CTNNA1: variants seen among roughly 807,000 people sequenced by gnomAD.
The protein encoded by CTNNA1 is catenin alpha 1.
A neutral mutation model predicts 98.4 loss-of-function variants in CTNNA1; 37 were observed. That is an observed-to-expected ratio of 0.38 (90% CI 0.29 to 0.49). The LOEUF (loss-of-function observed/expected upper bound fraction) is 0.49, where lower values mean the gene tolerates loss of function less well. Ranked by LOEUF, CTNNA1 falls within the 20% of genes least tolerant of loss-of-function variation. The pLI, the probability that CTNNA1 is intolerant of heterozygous loss-of-function variation, is 0.95. For synonymous variants in CTNNA1, 404 were observed against 413.2 expected (o/e 0.98, Z 0.27); for missense variants, 761 against 1,147.2 (o/e 0.66, Z 4.86).
intron 4 of CTNNA1, among the ~76,000 whole-genome samples, chr5:138,810,994 C>T (rs1183345343): frequency 8.0e-5 from 12 of 150,746 alleles, no homozygotes; most frequent in African/African-American, 1.2e-4. Context: ...CCCTCCCGGA[C>T]GGGGCGGCTG....
chr5:138,798,863 C>T (rs963036875), intron 3 of CTNNA1, among the ~76,000 whole-genome samples: 3 of 152,188 alleles, frequency 2.0e-5, no homozygotes, highest in African/African-American at 7.2e-5. Context: ...GGTTTTACAA[C>T]CGTGCGATCT....
At position 138,934,175 on chromosome 5, in the gene CTNNA1, C is replaced by A; in HGVS notation, c.*86C>A. Reference sequence around the variant, plus strand: ...ACTCAAATGAATTTGCTAAATACAACACTGATACTAGATTCCACAGGGAAA... The same window carrying A: ...ACTCAAATGAATTTGCTAAATACAAAACTGATACTAGATTCCACAGGGAAA... On this transcript the variant is annotated 3_prime_UTR_variant, in exon 18 of 18. Coordinates refer to ENST00000302763, the MANE Select transcript of CTNNA1 (RefSeq NM_001903.5). 2.0e-6 allele frequency: 2 copies of A among 977,512 alleles called. No homozygotes were observed. Among genetic ancestry groups the A allele is most frequent in the Non-Finnish European group, 3.1e-6 (2 of 653,920 alleles). 60.6% of individuals were successfully genotyped at this position (977,512 alleles called of 1,614,324 possible). A position where few individuals can be genotyped will look rare whatever the true frequency, so the allele number is the denominator to read the frequency against.
chr5:138,875,807 A>T, intron 7 of CTNNA1: 2 of 819,222 alleles, frequency 2.4e-6, no homozygotes, highest in Non-Finnish European at 2.9e-6. Flanking sequence ...GTTAAAATCA[A>T]AGTATGACTA....
intron 1 of CTNNA1, among the ~76,000 whole-genome samples, chr5:138,776,667 C>T (rs1176252567): frequency 3.4e-5 from 5 of 145,540 alleles, no homozygotes; most frequent in Admixed American, 1.4e-4. Flanking sequence ...GCTGGCCGGG[C>T]GGGGGGCTGA....
At chr5:138,799,631 T>C (rs1757338367) in intron 3 of CTNNA1, among the ~76,000 whole-genome samples, 1 of 152,096 alleles carries the variant, frequency 6.6e-6, no homozygotes. Context: ...TGTCATTTTT[T>C]TTTTTTTTGT....
rs2150295555 is a variant in CTNNA1 at position 138,925,365 on chromosome 5, T to C, written c.1857T>C (p.Tyr619=). The stretch of plus-strand genomic sequence containing the variant: ...TTATCGATGCTTCCCGCCTGGTATA[T>C]GATGGCATCCGGGACATCAGGAAAG... ...NEFIDASRLV[Y]DGIRDIRKAV... Residue 619 remains tyrosine (Y), a synonymous_variant, in exon 13 of 18, where the codon TAT becomes TAC. Coordinates refer to ENST00000302763, the MANE Select transcript of CTNNA1 (RefSeq NM_001903.5). The C allele has an allele frequency of 6.2e-7, 1 of 1,614,186 alleles. No homozygotes were observed.
At chr5:138,780,648 G>T (rs1445034291) in intron 1 of CTNNA1, among the ~76,000 whole-genome samples, 27 of 152,064 alleles carry the variant, frequency 1.8e-4, no homozygotes, top group Non-Finnish European at 7.4e-5. Flanking sequence ...CTCCCGAGTA[G>T]CTGGGATTAC....
Position 138,753,501 on chromosome 5 carries a change from C to G in CTNNA1, c.-12C>G. 1 of 379,168 alleles carries G rather than the reference C, an allele frequency of 2.6e-6. No individual in the cohort carries two copies. The highest frequency in any genetic ancestry group is 4.7e-6 in the Non-Finnish European group (1 of 213,372). 23.5% of individuals were successfully genotyped at this position (379,168 alleles called of 1,614,324 possible). ...CCTCTGGAATTTAGCGCTCGCCCAG[C>G]TAGCCGCAGGTAACTTCGTACCTCC... On this transcript the variant is annotated 5_prime_UTR_variant, in exon 1 of 18. Transcript: ENST00000302763.
At chr5:138,902,564 C>T (rs370711362) in intron 9 of CTNNA1, among the ~76,000 whole-genome samples, 8 of 152,154 alleles carry the variant, frequency 5.3e-5, no homozygotes, top group South Asian at 2.1e-4. Context: ...GGACTACAGG[C>T]GCCTGCCACC....
At position 138,807,528 on chromosome 5, in the gene CTNNA1, A is replaced by G. The variant is rs1758219567; in HGVS notation, c.302-2510A>G. Among the ~76,000 whole-genome samples the G allele has an allele frequency of 2.6e-5, 4 of 151,900 alleles. No individual in the cohort carries two copies. The South Asian group carries it at 8.3e-4, about 32-fold the overall frequency. On this transcript the variant is annotated intron_variant, in intron 3 of 17. Coordinates refer to ENST00000302763, the MANE Select transcript of CTNNA1 (RefSeq NM_001903.5). ...TTGTGTTTTCTTTCTTACAGCTTGT[A>G]TGTTAAAATGCCACATAATTTCTTA...
In CTNNA1 at chr5:138,846,233, C is replaced by T. The variant is rs982494684; in HGVS notation, c.1062+18515C>T. Among the ~76,000 whole-genome samples the T allele has an allele frequency of 1.2e-4, 19 of 152,184 alleles. 1 individual carries two copies. The East Asian group carries it at 2.3e-3, about 19-fold the overall frequency. On this transcript the variant is annotated intron_variant, in intron 7 of 17. Coordinates refer to ENST00000302763, the MANE Select transcript of CTNNA1 (RefSeq NM_001903.5). ...TCTCAAAGTGCTGGGATTACAGGCG[C>T]GAGCCACTGCGCCTGGCCCAAGGGT... is the stretch of plus-strand genomic sequence containing the variant.
chr5:138,780,180 T>C (rs969604189), intron 1 of CTNNA1, among the ~76,000 whole-genome samples: 7 of 151,856 alleles, frequency 4.6e-5, no homozygotes, highest in Non-Finnish European at 1.0e-4. Context: ...GATTTTATTT[T>C]ATTTATTTAT....
chr5:138,810,134 C>T lies in CTNNA1; in HGVS notation c.398C>T (p.Ser133Phe), dbSNP rs1399488912. 6.2e-7 allele frequency: 1 copy of T among 1,614,190 alleles called. No individual in the cohort carries two copies. The highest frequency in any genetic ancestry group is 1.7e-5 in the Admixed American group (1 of 60,026). Reference protein sequence around the residue: ...NMVRAARALLSAVTRLLILAD... With the variant: ...NMVRAARALLFAVTRLLILAD... ...GTTCGGGCAGCTCGAGCTTTGCTCT[C>T]TGCTGTTACCCGGTTGCTGATTTTG... Residue 133 changes from serine (S) to phenylalanine (F), a missense_variant, in exon 4 of 18, where the codon TCT (serine) becomes TTT (phenylalanine). Physicochemically the swap from Ser to Phe is radical, Grantham distance 155. This residue lies in a region of CTNNA1 where 328 missense variants were observed against 354.3 expected (regional missense o/e 0.93). Coordinates refer to ENST00000302763, the MANE Select transcript of CTNNA1 (RefSeq NM_001903.5).
intron 7 of CTNNA1, chr5:138,870,679 C>A (rs1354694583): frequency 6.6e-6 from 1 of 152,306 alleles, no homozygotes; most frequent in East Asian, 1.9e-4. Flanking sequence ...CCTCTGCTGT[C>A]CTTCAGGGCT....
At chr5:138,852,041 G>T (rs1763234501) in intron 7 of CTNNA1, among the ~76,000 whole-genome samples, 1 of 152,268 alleles carries the variant, frequency 6.6e-6, no homozygotes. Flanking sequence ...TTACACTCCA[G>T]CCTGGGCAAC....
chr5:138,930,847 A>C lies in CTNNA1; in HGVS notation c.2210A>C (p.Lys737Thr). Reference protein sequence around the residue: ...TDFTRGKGPLKNTSDVISAAK... With the variant: ...TDFTRGKGPLTNTSDVISAAK... ...CTTCTCAGAGGTAAAGGACCACTCA[A>C]AAATACATCGGATGTCATCAGTGCT... is the stretch of plus-strand genomic sequence containing the variant. Residue 737 changes from lysine to threonine, a missense_variant, in exon 16 of 18, where the codon AAA (lysine) becomes ACA (threonine). Physicochemically the swap from Lys to Thr is moderately conservative, Grantham distance 78. This residue lies in a region of CTNNA1 where 77 missense variants were observed against 198.8 expected (regional missense o/e 0.39). Transcript: ENST00000302763. 1 of 1,613,018 alleles carries C rather than the reference A, an allele frequency of 6.2e-7. No homozygotes were observed. Among genetic ancestry groups the C allele is most frequent in the South Asian group, 1.1e-5 (1 of 91,062 alleles).
At position 138,874,354 on chromosome 5, in the gene CTNNA1, C is replaced by T; in HGVS notation, c.1063-11858C>T. ...TTTCGAGCTCTGTGATGTGATTGTG[C>T]CTCAGGGACAGGCCCAGAGAGCCCT... On this transcript the variant is annotated intron_variant, in intron 7 of 17. Transcript: ENST00000302763. The surrounding 1 kb of genome is among the most constrained non-coding windows in gnomAD (Gnocchi z 4.1). 1 of 1,614,004 alleles carries T rather than the reference C, an allele frequency of 6.2e-7. No homozygotes were observed. The highest frequency in any genetic ancestry group is 8.5e-7 in the Non-Finnish European group (1 of 1,179,900).
Position 138,847,960 on chromosome 5 carries a change from A to T in CTNNA1, c.1062+20242A>T, listed in dbSNP as rs1762876034. 2.0e-5 allele frequency among the ~76,000 whole-genome samples: 3 copies of T among 152,302 alleles called. No homozygotes were observed. The South Asian group carries it at 6.2e-4, about 32-fold the overall frequency. ...CTTATAATTACCTGTGTTTCTAGAG[A>T]TAAATCAAGTGGCACCTCTGTTTCT... On this transcript the variant is annotated intron_variant, in intron 7 of 17. Coordinates refer to ENST00000302763, the MANE Select transcript of CTNNA1 (RefSeq NM_001903.5).
Position 138,824,694 on chromosome 5 carries a change from G to A in CTNNA1, c.753G>A (p.Ala251=), listed in dbSNP as rs149095225. The A allele has an allele frequency of 7.4e-6, 12 of 1,614,056 alleles. No individual in the cohort carries two copies. The African/African-American group carries it at 8.0e-5, about 11-fold the overall frequency. ...TGATATACAAGCAGCTGCAGCAGGC[G>A]GTCACAGGCATTTCCAATGCAGCCC... ...RDLIYKQLQQ[A]VTGISNAAQA... Residue 251 remains alanine, a synonymous_variant, in exon 6 of 18, where the codon GCG becomes GCA. Transcript: ENST00000302763.
Sources: allele counts gnomAD v4.1 joint callset (sites outside exome capture counted in the v4.1 genomes callset), GRCh38; gene constraint gnomAD v4.1.1; regional missense constraint gnomAD v4.1.1; non-coding constraint Gnocchi (gnomAD v3.1); transcripts MANE v1.5; gene names NCBI Gene and HGNC (gene_info 2026-07-23, HGNC 2026-07-21).